TEK: variants seen among roughly 807,000 people sequenced by gnomAD.
The protein encoded by TEK is angiopoietin-1 receptor.
Under a neutral mutation model 131.8 loss-of-function variants are expected in TEK, and 43 were observed. The observed-to-expected ratio is 0.33, with a 90% CI of 0.26 to 0.42. The LOEUF (loss-of-function observed/expected upper bound fraction) is 0.42, where lower values mean the gene tolerates loss of function less well. Among genes scored for constraint, TEK ranks in the 10% least tolerant of loss-of-function variants. The probability of loss-of-function intolerance (pLI) is 1.00; values close to 1 mark genes in which losing one functional copy is unlikely to be tolerated. For missense variants in TEK, 1,162 were observed against 1,384.4 expected (o/e 0.84, Z 2.55); for synonymous variants, 580 against 491.6 (o/e 1.18, Z -2.38).
chr9:27,148,714 C>T (rs937799694), intron 1 of TEK, among the ~76,000 whole-genome samples: 5 of 152,208 alleles, frequency 3.3e-5, no homozygotes, highest in Non-Finnish European at 7.4e-5. Context: ...ATATTGTGAC[C>T]ACTTTTTCAT....
Position 27,185,580 on chromosome 9 carries a change from G to A in TEK, c.1278G>A (p.Val426=). ...ACTCAGGAGTTTGGGTCTGCAGTGT[G>A]AACACAGTGGCTGGGATGGTGGAAA... is the stretch of plus-strand genomic sequence containing the variant. The part of the protein sequence containing the change: ...PPDSGVWVCS[V]NTVAGMVEKP... The change falls in exon 9 of 23, where the codon GTG becomes GTA. Residue 426 remains valine, a synonymous_variant. Transcript: ENST00000380036. 1 of 1,613,858 alleles carries A rather than the reference G, an allele frequency of 6.2e-7. No homozygotes were observed. Among genetic ancestry groups the A allele is most frequent in the South Asian group, 1.1e-5 (1 of 91,076 alleles).
At chr9:27,226,806 G>A (rs1826349256) in intron 21 of TEK, among the ~76,000 whole-genome samples, 1 of 152,146 alleles carries the variant, frequency 6.6e-6, no homozygotes, top group African/African-American at 2.4e-5. Flanking sequence ...TATTCCAAGG[G>A]TAAGAATAAT....
chr9:27,186,604 A>G (rs1824607797), intron 9 of TEK, among the ~76,000 whole-genome samples: 1 of 152,212 alleles, frequency 6.6e-6, no homozygotes, highest in Non-Finnish European at 1.5e-5. Flanking sequence ...CACACATTGT[A>G]AGCACAAATC....
chr9:27,215,050 C>A (rs1172741907), intron 18 of TEK, among the ~76,000 whole-genome samples: 1 of 152,176 alleles, frequency 6.6e-6, no homozygotes, highest in Non-Finnish European at 1.5e-5. Context: ...TACTCCAGCA[C>A]TTGGGGGATG....
intron 1 of TEK, among the ~76,000 whole-genome samples, chr9:27,151,485 A>AT (rs1823125372): frequency 6.6e-6 from 1 of 152,008 alleles, no homozygotes; most frequent in Non-Finnish European, 1.5e-5. Context: ...TTTGGGGAAG[A>AT]TTTTTCTGAT....
chr9:27,137,894 T>C (rs557978423), intron 1 of TEK, among the ~76,000 whole-genome samples: 13 of 152,132 alleles, frequency 8.5e-5, no homozygotes, highest in African/African-American at 3.1e-4. Context: ...TGTGGACCCT[T>C]GCGGTGAGTG....
At chr9:27,146,396 C>T (rs528420847) in intron 1 of TEK, among the ~76,000 whole-genome samples, 44 of 152,278 alleles carry the variant, frequency 2.9e-4, no homozygotes, top group African/African-American at 5.3e-4. Flanking sequence ...AGTACCATCA[C>T]CCCAAAAATC....
chr9:27,145,008 G>A (rs1822861715), intron 1 of TEK, among the ~76,000 whole-genome samples: 1 of 152,194 alleles, frequency 6.6e-6, no homozygotes, highest in East Asian at 1.9e-4. Flanking sequence ...TTCTAAAGAT[G>A]AAGAAAATGT....
At chr9:27,215,979 T>A (rs963608087) in intron 18 of TEK, among the ~76,000 whole-genome samples, 1 of 152,122 alleles carries the variant, frequency 6.6e-6, no homozygotes, top group African/African-American at 2.4e-5. Context: ...ACACAGTACA[T>A]ACAGAACCCC....
At chr9:27,136,546 C>G (rs1564051417) in intron 1 of TEK, among the ~76,000 whole-genome samples, 1 of 152,184 alleles carries the variant, frequency 6.6e-6, no homozygotes, top group African/African-American at 2.4e-5. Context: ...TCTCCACCCC[C>G]AGACAGACAC....
At chr9:27,133,084 G>A (rs1197469545) in intron 1 of TEK, among the ~76,000 whole-genome samples, 2 of 152,162 alleles carry the variant, frequency 1.3e-5, no homozygotes, top group Non-Finnish European at 2.9e-5. Flanking sequence ...ACTAATCCAG[G>A]TCTTCCGAAG....
In TEK at chr9:27,202,847, A is replaced by G. The variant is rs1311993136; in HGVS notation, c.1937A>G (p.Lys646Arg). The G allele has an allele frequency of 1.2e-6, 2 of 1,614,144 alleles. No individual in the cohort carries two copies. Among genetic ancestry groups the G allele is most frequent in the Admixed American group, 3.3e-5 (2 of 60,028 alleles). Residue 646 changes from lysine to arginine, a missense_variant, in exon 13 of 23, where the codon AAG becomes AGG. This residue lies in a region of TEK where 477 missense variants were observed against 471.0 expected (regional missense o/e 1.01). Transcript: ENST00000380036. The stretch of plus-strand genomic sequence containing the variant: ...CTTCCTCCTCAACCAGAAAACATCA[A>G]GATTTCCAACATTACACACTCCTCA... ...DILPPQPENIKISNITHSSAV... is the reference protein window; with the variant it reads ...DILPPQPENIRISNITHSSAV...
At chr9:27,179,315 A>G (rs528613010) in intron 6 of TEK, among the ~76,000 whole-genome samples, 1 of 152,142 alleles carries the variant, frequency 6.6e-6, no homozygotes, top group African/African-American at 2.4e-5. Context: ...AATAGTTTCT[A>G]TTTCCCTGCT....
chr9:27,205,217 G>A, intron 14 of TEK, 152 bp downstream of exon 14: 1 of 1,010,328 alleles, frequency 9.9e-7, no homozygotes, highest in Non-Finnish European at 1.5e-6. Context: ...TATGAAATGG[G>A]AGATAAAAAG....
In TEK at chr9:27,131,230, C is replaced by T. The variant is rs949362845; in HGVS notation, c.52+21588C>T. ...GGCATGGTGGCTCATGCCTGTAATGCCAACACTTTGGGAGGCCGAGGCTGG... is the reference window on the plus strand; with the variant it reads ...GGCATGGTGGCTCATGCCTGTAATGTCAACACTTTGGGAGGCCGAGGCTGG... On this transcript the variant is annotated intron_variant, in intron 1 of 22. Coordinates refer to ENST00000380036, the MANE Select transcript of TEK (RefSeq NM_000459.5). Among the ~76,000 whole-genome samples, 5 of 152,154 alleles carry T rather than the reference C, an allele frequency of 3.3e-5. No individual in the cohort carries two copies. The East Asian group carries it at 7.8e-4, about 24-fold the overall frequency.
At chr9:27,160,049 G>A (rs1023657720) in intron 2 of TEK, among the ~76,000 whole-genome samples, 5 of 123,858 alleles carry the variant, frequency 4.0e-5, no homozygotes, top group Non-Finnish European at 6.4e-5. Context: ...TTAAAGACAA[G>A]GGTCTTGCTG....
At chr9:27,158,523 G>T (rs1823424686) in intron 2 of TEK, among the ~76,000 whole-genome samples, 1 of 152,076 alleles carries the variant, frequency 6.6e-6, no homozygotes, top group African/African-American at 2.4e-5. Context: ...GTGATACATT[G>T]CTTTGCTTGT....
At chr9:27,178,716 C>A (rs1219096933) in intron 6 of TEK, among the ~76,000 whole-genome samples, 3 of 152,118 alleles carry the variant, frequency 2.0e-5, no homozygotes, top group Non-Finnish European at 4.4e-5. Flanking sequence ...TTAACAGAAT[C>A]CATTTGCCAT....
rs555636602 is a variant in TEK at position 27,223,694 on chromosome 9, C to T, written c.3200+3549C>T. On this transcript the variant is annotated intron_variant, in intron 21 of 22. Transcript: ENST00000380036. ...AGATCTAAAATTGACACCCTAACAT[C>T]ACAATTAAAAGAACTAGAGAAGCAA... is the stretch of plus-strand genomic sequence containing the variant. Among the ~76,000 whole-genome samples the T allele has an allele frequency of 4.6e-5, 7 of 152,176 alleles. No homozygotes were observed. In the South Asian group the frequency reaches 1.2e-3, roughly 27 times the overall value.
Sources: gnomAD v4.1 joint callset for allele counts (sites outside exome capture counted in the v4.1 genomes callset) on GRCh38, gnomAD v4.1.1 for gene constraint, gnomAD v4.1.1 regional missense constraint, MANE v1.5 for transcripts, NCBI Gene and HGNC (gene_info 2026-07-23, HGNC 2026-07-21) for gene names.